Variants in TGFA observed in about 807,000 individuals in gnomAD.
TGFA encodes protransforming growth factor alpha.
A neutral mutation model predicts 21.7 loss-of-function variants in TGFA; 12 were observed. The ratio of observed to expected loss-of-function variants is 0.55; its 90% CI spans 0.35 to 0.90. The LOEUF is 0.90. Among genes scored for constraint, TGFA ranks in the 40% least tolerant of loss-of-function variants. The pLI, the probability that TGFA is intolerant of heterozygous loss-of-function variation, is 0.01. For missense variants in TGFA, 178 were observed against 210.8 expected (o/e 0.84, Z 0.96); for synonymous variants, 79 against 88.1 (o/e 0.90, Z 0.58).
chr2:70,461,308 C>T (rs567505353), intron 3 of TGFA, among the ~76,000 whole-genome samples: 4 of 152,310 alleles, frequency 2.6e-5, no homozygotes, highest in African/African-American at 9.6e-5. Context: ...CCTACCCCCA[C>T]CACCTGCTGA....
chr2:70,485,764 A>C (rs1553496512), intron 2 of TGFA, among the ~76,000 whole-genome samples: 2 of 152,172 alleles, frequency 1.3e-5, no homozygotes, highest in African/African-American at 4.8e-5. Flanking sequence ...CTACAAAGAC[A>C]TTATAGCTGA....
At chr2:70,486,374 C>T (rs781793826) in intron 2 of TGFA, among the ~76,000 whole-genome samples, 13 of 152,190 alleles carry the variant, frequency 8.5e-5, no homozygotes, top group South Asian at 4.1e-4. Flanking sequence ...ACCACAAACA[C>T]CAAAGCTGTC....
chr2:70,553,695 C>A, intron 1 of TGFA, 33 bp downstream of exon 1: 2 of 1,334,278 alleles, frequency 1.5e-6, no homozygotes, highest in Non-Finnish European at 1.9e-6. Flanking sequence ...GGGTGTCGCG[C>A]GGCGCAGGGG....
chr2:70,544,021 G>C (rs1190315573), intron 1 of TGFA, among the ~76,000 whole-genome samples: 1 of 151,638 alleles, frequency 6.6e-6, no homozygotes, highest in Non-Finnish European at 1.5e-5. Flanking sequence ...AACATTTGAG[G>C]GAAAAAACCC....
chr2:70,547,832 GATATATATAGAGATATATATATCT>G (rs1559147232), intron 1 of TGFA, among the ~76,000 whole-genome samples: 1 of 146,346 alleles, frequency 6.8e-6, no homozygotes, highest in Non-Finnish European at 1.5e-5. Flanking sequence ...ACTATCTATA[GATATATATAGAGATATATATATCT>G]ATATATAGAG....
chr2:70,467,162 C>A (rs1324587535), intron 2 of TGFA, among the ~76,000 whole-genome samples: 1 of 151,990 alleles, frequency 6.6e-6, no homozygotes, highest in Non-Finnish European at 1.5e-5. Context: ...ATGTAACGAA[C>A]CTGCACATCC....
intron 3 of TGFA, among the ~76,000 whole-genome samples, chr2:70,465,040 G>C (rs1425088438): frequency 1.3e-5 from 2 of 152,242 alleles, no homozygotes; most frequent in African/African-American, 4.8e-5. Flanking sequence ...GCAGAGTTCA[G>C]TAATACTTCG....
chr2:70,531,889 A>C (rs1322001582), intron 1 of TGFA, among the ~76,000 whole-genome samples: 1 of 152,228 alleles, frequency 6.6e-6, no homozygotes, highest in Non-Finnish European at 1.5e-5. Flanking sequence ...TGAAATAAGA[A>C]GTCCATGAAG....
At chr2:70,546,004 C>A (rs544724247) in intron 1 of TGFA, among the ~76,000 whole-genome samples, 2 of 152,272 alleles carry the variant, frequency 1.3e-5, no homozygotes, top group Admixed American at 1.3e-4. Context: ...ACAAATACTA[C>A]ATATGAAAAC....
chr2:70,541,804 C>G (rs1673139143), intron 1 of TGFA, among the ~76,000 whole-genome samples: 1 of 152,128 alleles, frequency 6.6e-6, no homozygotes, highest in African/African-American at 2.4e-5. Flanking sequence ...ACTGCTCAGG[C>G]CCCAGGCTTG....
chr2:70,491,537 T>A (rs1377815114), intron 2 of TGFA, among the ~76,000 whole-genome samples: 1 of 152,180 alleles, frequency 6.6e-6, no homozygotes, highest in East Asian at 1.9e-4. Flanking sequence ...AACTTGGTTT[T>A]TAAAAAAGTT....
chr2:70,551,363 G>A (rs1306239749), intron 1 of TGFA, among the ~76,000 whole-genome samples: 2 of 152,162 alleles, frequency 1.3e-5, no homozygotes, highest in Non-Finnish European at 2.9e-5. Context: ...GTTGCCATTT[G>A]GGCAACAGTC....
chr2:70,550,808 G>A (rs1210126242), intron 1 of TGFA, among the ~76,000 whole-genome samples: 1 of 152,184 alleles, frequency 6.6e-6, no homozygotes, highest in Non-Finnish European at 1.5e-5. Flanking sequence ...GAGACAGAGC[G>A]AGACTCCGTC....
intron 1 of TGFA, among the ~76,000 whole-genome samples, chr2:70,546,686 C>T (rs1673316308): frequency 6.6e-6 from 1 of 151,472 alleles, no homozygotes; most frequent in Admixed American, 6.6e-5. Flanking sequence ...GGGAGTATCT[C>T]ACTGGGAGCT....
intron 2 of TGFA, among the ~76,000 whole-genome samples, chr2:70,510,890 C>T (rs534192783): frequency 3.3e-4 from 50 of 152,168 alleles, no homozygotes; most frequent in African/African-American, 1.1e-3. Context: ...CTTGTAATCC[C>T]AGCACTTTGG....
Position 70,453,198 on chromosome 2 carries a change from C to G in TGFA, c.475+20G>C, listed in dbSNP as rs566085609. ...TTTCTCCACCCAATAGTGTCTCCCA[C>G]CAGAGAAGAGTCTCCTTACCTGTTT... On this transcript the variant is annotated intron_variant, in intron 5 of 5. Transcript: ENST00000295400. The G allele has an allele frequency of 6.2e-7, 1 of 1,606,538 alleles. No individual in the cohort carries two copies. Among genetic ancestry groups the G allele is most frequent in the Admixed American group, 1.7e-5 (1 of 59,944 alleles).
intron 2 of TGFA, among the ~76,000 whole-genome samples, chr2:70,485,501 G>T (rs533277101): frequency 8.5e-5 from 13 of 152,300 alleles, no homozygotes; most frequent in African/African-American, 3.1e-4. Context: ...CTCCCAAAGT[G>T]CTGGCACAGT....
intron 2 of TGFA, among the ~76,000 whole-genome samples, chr2:70,504,367 G>A (rs553966347): frequency 4.7e-5 from 7 of 149,226 alleles, no homozygotes; most frequent in East Asian, 2.0e-4. Context: ...CTGAGATAGC[G>A]TCACTGCACT....
At chr2:70,507,678 A>G (rs1671968810) in intron 2 of TGFA, among the ~76,000 whole-genome samples, 1 of 152,234 alleles carries the variant, frequency 6.6e-6, no homozygotes, top group Non-Finnish European at 1.5e-5. Context: ...TACTAATACT[A>G]AGGAATTCGG....
Sources: gnomAD v4.1 joint callset for allele counts (sites outside exome capture counted in the v4.1 genomes callset) on GRCh38, gnomAD v4.1.1 for gene constraint, MANE v1.5 for transcripts, NCBI Gene and HGNC (gene_info 2026-07-23, HGNC 2026-07-21) for gene names.